The following WWC1 variants were observed in gnomAD, a reference collection of about 807,000 sequenced individuals.
WWC1 encodes WW and C2 domain containing 1.
In WWC1, 55 loss-of-function variants were observed where a neutral mutation model predicts 138.4. The observed-to-expected ratio is 0.40, with a 90% confidence interval of 0.32 to 0.50. The LOEUF is 0.50. WWC1 is among the 20% of genes least tolerant of loss of function. The probability of loss-of-function intolerance (pLI) is 0.72; values close to 1 mark genes in which losing one functional copy is unlikely to be tolerated. For missense variants in WWC1, 1,226 were observed against 1,420.4 expected (o/e 0.86, Z 2.20); for synonymous variants, 524 against 564.9 (o/e 0.93, Z 1.03).
intron 1 of WWC1, among the ~76,000 whole-genome samples, chr5:168,321,535 T>C (rs1162137250): frequency 2.0e-5 from 2 of 101,406 alleles, no homozygotes; most frequent in South Asian, 3.0e-4. Flanking sequence ...GGCAATATCC[T>C]TTTTTTTTTT....
intron 17 of WWC1, among the ~76,000 whole-genome samples, chr5:168,450,620 C>T (rs1376483892): frequency 1.3e-5 from 2 of 152,074 alleles, no homozygotes; most frequent in East Asian, 1.9e-4. Context: ...GAGCTGAGGT[C>T]GCACCACTGC....
chr5:168,422,408 C>T (rs1202344807), intron 10 of WWC1, among the ~76,000 whole-genome samples: 2 of 152,088 alleles, frequency 1.3e-5, no homozygotes, highest in Admixed American at 1.3e-4. Context: ...GTGGGTGGAT[C>T]GCTTCAGCTC....
intron 1 of WWC1, among the ~76,000 whole-genome samples, chr5:168,324,543 C>T (rs1231140378): frequency 6.6e-6 from 1 of 152,050 alleles, no homozygotes; most frequent in African/African-American, 2.4e-5. Flanking sequence ...CTAAAAATTT[C>T]TTCATTTCTT....
At chr5:168,406,162 A>G in intron 5 of WWC1, 36 bp from the exon 6 acceptor site, 2 of 1,610,948 alleles carry the variant, frequency 1.2e-6, no homozygotes, top group East Asian at 2.2e-5. Flanking sequence ...CCCTCACCCT[A>G]TCTAAGGCTG....
In WWC1 at chr5:168,406,228, C is replaced by G. The variant is rs375916035; in HGVS notation, c.621C>G (p.Gly207=). 50 of 1,613,902 alleles carry G rather than the reference C, an allele frequency of 3.1e-5. No homozygotes were observed. The African/African-American group carries it at 6.0e-4, about 19-fold the overall frequency. ...KIDKKMSDAQ[G]SYKLDEAQAV... is the part of the protein sequence containing the mutation. ...ATAAGAAAATGTCTGATGCTCAGGG[C>G]AGCTACAAACTGGATGAAGCTCAGG... is the stretch of plus-strand genomic sequence containing the variant. The change falls in exon 6 of 23, where the codon GGC becomes GGG. Residue 207 remains glycine, a synonymous_variant. Coordinates refer to ENST00000265293, the MANE Select transcript of WWC1 (RefSeq NM_015238.3).
At chr5:168,340,859 A>G (rs904731473) in intron 1 of WWC1, among the ~76,000 whole-genome samples, 1 of 152,148 alleles carries the variant, frequency 6.6e-6, no homozygotes, top group Non-Finnish European at 1.5e-5. Flanking sequence ...GGTAGGGACT[A>G]TTTTTCTCCT....
chr5:168,390,545 C>T (rs1778401220), intron 3 of WWC1, among the ~76,000 whole-genome samples: 1 of 152,184 alleles, frequency 6.6e-6, no homozygotes. Flanking sequence ...GGGATTCCCC[C>T]AGCCCAAGCA....
Position 168,326,518 on chromosome 5 carries a change from C to T in WWC1, c.119+34247C>T, listed in dbSNP as rs370185028. Among the ~76,000 whole-genome samples the T allele has an allele frequency of 2.6e-4, 38 of 143,842 alleles. 1 individual carries two copies. The highest frequency in any genetic ancestry group is 4.5e-3 in the Middle Eastern group (1 of 220). 94.4% of individuals were successfully genotyped at this position (143,842 alleles called of 152,430 possible). On this transcript the variant is annotated intron_variant, in intron 1 of 22. Transcript: ENST00000265293. The stretch of plus-strand genomic sequence containing the variant: ...AGGCATGAGCCACCGTGCCCGGCCC[C>T]GACTTGATAGTGTTATTTGTTGTTG...
At chr5:168,466,131 G>A (rs372560883) in intron 21 of WWC1, among the ~76,000 whole-genome samples, 11 of 152,138 alleles carry the variant, frequency 7.2e-5, no homozygotes, top group East Asian at 3.9e-4. Flanking sequence ...GTTTCACAGG[G>A]TATGCAAAAC....
chr5:168,312,815 CTTTTTTTTTTT>C (rs763253959), intron 1 of WWC1, among the ~76,000 whole-genome samples: 4 of 123,772 alleles, frequency 3.2e-5, no homozygotes, highest in South Asian at 2.8e-4. Flanking sequence ...ATCCTAAGTA[CTTTTTTTTTTT>C]TTTTTTTTTT....
intron 9 of WWC1, among the ~76,000 whole-genome samples, chr5:168,421,724 T>A (rs573987049): frequency 6.6e-6 from 1 of 152,212 alleles, no homozygotes; most frequent in Non-Finnish European, 1.5e-5. Flanking sequence ...TTTCCTCTTA[T>A]GTAAAGTGGT....
At chr5:168,377,081 G>A (rs1226422959) in intron 2 of WWC1, among the ~76,000 whole-genome samples, 3 of 152,080 alleles carry the variant, frequency 2.0e-5, no homozygotes, top group East Asian at 3.9e-4. Context: ...ACAAAAGCAG[G>A]CACGTAGATC....
chr5:168,454,225 A>G, intron 18 of WWC1, 125 bp downstream of exon 18: 3 of 1,407,044 alleles, frequency 2.1e-6, no homozygotes, highest in Non-Finnish European at 2.9e-6. Context: ...AAGCCCTCAT[A>G]ATGGAGTGGC....
At chr5:168,381,060 T>C (rs1008832035) in intron 2 of WWC1, among the ~76,000 whole-genome samples, 1 of 152,096 alleles carries the variant, frequency 6.6e-6, no homozygotes, top group African/African-American at 2.4e-5. Flanking sequence ...GTAGATCAAT[T>C]CAGTGGAAAT....
intron 17 of WWC1, among the ~76,000 whole-genome samples, chr5:168,446,234 A>T (rs1475870872): frequency 2.9e-5 from 2 of 70,102 alleles, no homozygotes; most frequent in African/African-American, 8.2e-5. Context: ...CCCATTATTA[A>T]AAAAAAAAAA....
chr5:168,428,297 A>G (rs1291256389), intron 12 of WWC1, among the ~76,000 whole-genome samples, 156 bp downstream of exon 12: 1 of 152,200 alleles, frequency 6.6e-6, no homozygotes, highest in Non-Finnish European at 1.5e-5. Flanking sequence ...TGGCTGCCCA[A>G]GGCACAGACA....
At chr5:168,299,735 G>C (rs950186408) in intron 1 of WWC1, among the ~76,000 whole-genome samples, 2 of 152,232 alleles carry the variant, frequency 1.3e-5, no homozygotes, top group African/African-American at 4.8e-5. Context: ...TCAGGTGCAC[G>C]TAAGGAGAAA....
intron 1 of WWC1, among the ~76,000 whole-genome samples, chr5:168,339,630 G>A (rs757081772): frequency 6.6e-6 from 1 of 152,052 alleles, no homozygotes; most frequent in Non-Finnish European, 1.5e-5. Flanking sequence ...TCCTTCCCTG[G>A]GCTGTGAGGT....
intron 1 of WWC1, among the ~76,000 whole-genome samples, chr5:168,353,441 CCCTGGCATCAGCCACT>C (rs1345155647): frequency 2.6e-5 from 4 of 152,242 alleles, no homozygotes; most frequent in Non-Finnish European, 5.9e-5. Flanking sequence ...ACAGCCCTGC[CCCTGGCATCAGCCACT>C]CCTGGCATCA....
Sources: allele counts gnomAD v4.1 joint callset (sites outside exome capture counted in the v4.1 genomes callset), GRCh38; gene constraint gnomAD v4.1.1; transcripts MANE v1.5; gene names NCBI Gene and HGNC (gene_info 2026-07-23, HGNC 2026-07-21).